RELN: variants seen among roughly 807,000 people sequenced by gnomAD.
RELN encodes reelin.
Under a neutral mutation model 427.6 loss-of-function variants are expected in RELN, and 108 were observed. The ratio of observed to expected loss-of-function variants is 0.25; its 90% CI spans 0.22 to 0.30. RELN has a LOEUF of 0.30. RELN is among the 10% of genes least tolerant of loss of function. The pLI is 1.00. For missense variants in RELN, 3,715 were observed against 4,302.8 expected (o/e 0.86, Z 3.82); for synonymous variants, 1,524 against 1,513.4 (o/e 1.01, Z -0.16).
At chr7:103,523,620 A>G in intron 46 of RELN, 89 bp from the exon 47 acceptor site, 1 of 1,233,628 alleles carries the variant, frequency 8.1e-7, no homozygotes, top group Non-Finnish European at 1.2e-6. Flanking sequence ...GAGAAGTGTA[A>G]CACAAAAGCA....
intron 4 of RELN, among the ~76,000 whole-genome samples, chr7:103,758,771 A>G (rs180793122): frequency 2.0e-5 from 3 of 150,808 alleles, no homozygotes; most frequent in East Asian, 3.9e-4. Flanking sequence ...TTTCTTTTCC[A>G]GATTCTTTTT....
chr7:103,721,932 CT>C (rs746529468), intron 8 of RELN, among the ~76,000 whole-genome samples: 6 of 152,078 alleles, frequency 3.9e-5, no homozygotes, highest in Non-Finnish European at 8.8e-5. Flanking sequence ...AAAAATAAAA[CT>C]TTTTTTGATT....
rs539496196 is a variant in RELN at position 103,872,633 on chromosome 7, C to T, written c.338-38961G>A. Among the ~76,000 whole-genome samples the T allele has an allele frequency of 1.6e-3, 230 of 141,572 alleles. 4 individuals are homozygous for T. Among genetic ancestry groups the T allele is most frequent in the African/African-American group, 5.4e-3 (215 of 39,950 alleles). The allele number at this position is 141,572 out of a possible 152,430, so 92.9% of individuals were successfully genotyped here. ...TTCTAGTTCTAGATCTCTGAGGAAT[C>T]GCCACACTGACTTCCACAATGGTTG... is the stretch of plus-strand genomic sequence containing the variant. On this transcript the variant is annotated intron_variant, in intron 2 of 64. Coordinates refer to ENST00000428762, the MANE Select transcript of RELN (RefSeq NM_005045.4).
intron 19 of RELN, among the ~76,000 whole-genome samples, chr7:103,632,744 T>C (rs953848640): frequency 6.6e-6 from 1 of 152,142 alleles, no homozygotes; most frequent in East Asian, 1.9e-4. Context: ...TATAGTAATA[T>C]GTACTATTGA....
chr7:103,755,733 G>A (rs1478153555), intron 4 of RELN, among the ~76,000 whole-genome samples: 4 of 26,578 alleles, frequency 1.5e-4, no homozygotes, highest in Non-Finnish European at 3.3e-4. Context: ...GGAGAATGGC[G>A]TGAACTTGGG....
intron 2 of RELN, among the ~76,000 whole-genome samples, chr7:103,835,347 T>C (rs940936059): frequency 5.9e-5 from 9 of 152,184 alleles, no homozygotes; most frequent in African/African-American, 1.9e-4. Context: ...ACGAAACTAC[T>C]CTGTATGATA....
intron 38 of RELN, among the ~76,000 whole-genome samples, chr7:103,556,583 T>C (rs1037897032): frequency 1.5e-4 from 23 of 152,176 alleles, no homozygotes; most frequent in Non-Finnish European, 3.4e-4. Context: ...ATTTGAATCA[T>C]GAGAGCAGTT....
chr7:103,740,181 T>C lies in RELN; in HGVS notation c.656+9245A>G, dbSNP rs554294926. ...CAAGCCAGAGTTGACTGAAATTAAG[T>C]TTCCACCAACATGGTAGGAGGAGGA... On this transcript the variant is annotated intron_variant, in intron 6 of 64. Transcript: ENST00000428762. Among the ~76,000 whole-genome samples, 3 of 152,276 alleles carry C rather than the reference T, an allele frequency of 2.0e-5. No individual in the cohort carries two copies. The South Asian group carries it at 6.2e-4, about 32-fold the overall frequency.
At chr7:103,727,231 T>C (rs909409914) in intron 7 of RELN, among the ~76,000 whole-genome samples, 1 of 151,854 alleles carries the variant, frequency 6.6e-6, no homozygotes, top group Non-Finnish European at 1.5e-5. Flanking sequence ...GGGTGAAAAA[T>C]ACAACCTATT....
At chr7:103,548,581 T>C (rs1830349127) in intron 41 of RELN, among the ~76,000 whole-genome samples, 1 of 152,258 alleles carries the variant, frequency 6.6e-6, no homozygotes, top group Non-Finnish European at 1.5e-5. Context: ...TATACCATTC[T>C]GAGAACAGGC....
chr7:103,989,201 C>T lies in RELN; in HGVS notation c.156G>A (p.Gln52=), dbSNP rs1797169395. ...HHGELEGDGE[Q]GEVLISLHIA... is the part of the protein sequence containing the mutation. The stretch of plus-strand genomic sequence containing the variant: ...TATGCAGGGAAATGAGCACCTCGCC[C>T]TGCTCCCCATCCCCTTCCAGCTCCC... Residue 52 remains glutamine, a synonymous_variant, in exon 1 of 65, where the codon CAG becomes CAA. Transcript: ENST00000428762. This position sits in a 1 kb window ranked among gnomAD's most constrained non-coding sequence, Gnocchi z 4.9. The T allele has an allele frequency of 1.2e-6, 2 of 1,614,028 alleles. No homozygotes were observed. Among genetic ancestry groups the T allele is most frequent in the South Asian group, 1.1e-5 (1 of 91,088 alleles).
At chr7:103,479,539 T>G (rs1828156040) in intron 63 of RELN, among the ~76,000 whole-genome samples, 1 of 152,064 alleles carries the variant, frequency 6.6e-6, no homozygotes. Flanking sequence ...ATGTGCAGGT[T>G]TTATTGGAAA....
At chr7:103,615,173 T>C (rs767992459) in intron 20 of RELN, among the ~76,000 whole-genome samples, 4 of 152,124 alleles carry the variant, frequency 2.6e-5, no homozygotes, top group Non-Finnish European at 5.9e-5. Flanking sequence ...GCCTCAAAAA[T>C]AAAGCTCCTA....
At chr7:103,711,901 C>T (rs142675075) in intron 8 of RELN, among the ~76,000 whole-genome samples, 86 of 152,252 alleles carry the variant, frequency 5.6e-4, no homozygotes, top group African/African-American at 2.0e-3. Context: ...TCAAGTGATC[C>T]ACCTGCCTTG....
intron 1 of RELN, among the ~76,000 whole-genome samples, chr7:103,923,004 A>T (rs73183759): frequency 1.1e-4 from 16 of 152,244 alleles, no homozygotes; most frequent in Non-Finnish European, 2.1e-4. Context: ...AGCATTAGTG[A>T]TGATGCACCA....
chr7:103,863,884 G>T (rs551795365), intron 2 of RELN, among the ~76,000 whole-genome samples: 5 of 151,304 alleles, frequency 3.3e-5, no homozygotes, highest in Non-Finnish European at 7.4e-5. Flanking sequence ...CTGTTTTGTT[G>T]GCTGAGCACC....
chr7:103,555,833 T>C (rs937297204), intron 38 of RELN, among the ~76,000 whole-genome samples: 5 of 152,240 alleles, frequency 3.3e-5, no homozygotes, highest in African/African-American at 1.2e-4. Context: ...TGTTTCACAA[T>C]ACATTAAAAA....
intron 2 of RELN, among the ~76,000 whole-genome samples, chr7:103,869,922 TTC>T: frequency 6.6e-6 from 1 of 152,268 alleles, no homozygotes; most frequent in East Asian, 1.9e-4. Flanking sequence ...CCTGAAGTCT[TTC>T]TTCAAACTCT....
At chr7:103,816,530 AACACACACACACAC>A (rs57873981) in intron 3 of RELN, among the ~76,000 whole-genome samples, 2 of 143,638 alleles carry the variant, frequency 1.4e-5, no homozygotes, top group Admixed American at 7.0e-5. Context: ...TTTCTCTAGA[AACACACACACACAC>A]ACACACACAC....
Sources: gnomAD v4.1 joint callset for allele counts (sites outside exome capture counted in the v4.1 genomes callset) on GRCh38, gnomAD v4.1.1 for gene constraint, Gnocchi (gnomAD v3.1) non-coding constraint, MANE v1.5 for transcripts, NCBI Gene and HGNC (gene_info 2026-07-23, HGNC 2026-07-21) for gene names.